Variants in TMC1 observed in about 807,000 individuals in gnomAD.
TMC1 encodes the protein transmembrane channel like 1, also known as transmembrane channel-like protein 1.
Under a neutral mutation model 105.8 loss-of-function variants are expected in TMC1, and 84 were observed. The ratio of observed to expected loss-of-function variants is 0.79; its 90% confidence interval spans 0.67 to 0.95. The LOEUF (loss-of-function observed/expected upper bound fraction) is 0.95. Ranked by LOEUF, TMC1 falls within the 40% of genes least tolerant of loss-of-function variation. The probability of loss-of-function intolerance (pLI) is 0.00; values close to 1 mark genes in which losing one functional copy is unlikely to be tolerated. For missense variants in TMC1, 817 were observed against 914.1 expected (o/e 0.89, Z 1.37); for synonymous variants, 315 against 311.5 (o/e 1.01, Z -0.12).
intron 4 of TMC1, among the ~76,000 whole-genome samples, chr9:72,637,345 C>A (rs1012487865): frequency 6.6e-6 from 1 of 151,862 alleles, no homozygotes. Flanking sequence ...CTACTCTATA[C>A]GTTCTTCACC....
intron 4 of TMC1, among the ~76,000 whole-genome samples, chr9:72,630,728 A>T (rs920034304): frequency 3.9e-5 from 6 of 152,234 alleles, no homozygotes; most frequent in Non-Finnish European, 7.3e-5. Flanking sequence ...AAAACTATAC[A>T]TTAAAAACTG....
At chr9:72,653,277 A>T (rs1190014396) in intron 5 of TMC1, among the ~76,000 whole-genome samples, 4 of 152,188 alleles carry the variant, frequency 2.6e-5, no homozygotes, top group African/African-American at 7.2e-5. Flanking sequence ...AGTCAGGCAC[A>T]TTGCTATGCC....
At chr9:72,656,154 C>G (rs1195790913) in intron 5 of TMC1, 2 of 611,850 alleles carry the variant, frequency 3.3e-6, no homozygotes, top group Non-Finnish European at 6.2e-6. Context: ...TTGCCATCTT[C>G]GGCTCCGTGG....
At chr9:72,667,647 G>T (rs1826064770) in intron 5 of TMC1, among the ~76,000 whole-genome samples, 1 of 152,150 alleles carries the variant, frequency 6.6e-6, no homozygotes, top group South Asian at 2.1e-4. Flanking sequence ...CACCAGTTGG[G>T]TTTCTCTGAG....
chr9:72,661,121 C>T (rs974149568), intron 5 of TMC1, among the ~76,000 whole-genome samples: 2 of 152,192 alleles, frequency 1.3e-5, no homozygotes, highest in South Asian at 2.1e-4. Flanking sequence ...CACCGCACTC[C>T]AGCCTGGGTG....
rs117648038 is a variant in TMC1, at chr9:72,708,509, T to C, written c.362+7866T>C. ...TTGGTTAGGTATAATCCCAAGTACT[T>C]TTTTTTTTTTCCTGTGGCTATTGTA... On this transcript the variant is annotated intron_variant, in intron 8 of 23. Coordinates refer to ENST00000297784, the MANE Select transcript of TMC1 (RefSeq NM_138691.3). Among the ~76,000 whole-genome samples the C allele has an allele frequency of 4.2e-3, 616 of 147,812 alleles. 22 individuals are homozygous for C. The East Asian group carries it at 0.064, about 15-fold the overall frequency.
At chr9:72,621,037 G>A (rs115727995) in intron 3 of TMC1, among the ~76,000 whole-genome samples, 228 of 152,180 alleles carry the variant, frequency 1.5e-3, no homozygotes, top group African/African-American at 5.2e-3. Context: ...TTAGAAGAAG[G>A]CTCCCCTTAT....
intron 4 of TMC1, among the ~76,000 whole-genome samples, chr9:72,635,277 A>G (rs1825515069): frequency 6.6e-6 from 1 of 151,814 alleles, no homozygotes. Flanking sequence ...GAAAGAAAAG[A>G]AAAAGAAAAA....
chr9:72,835,998 G>A lies in TMC1; in HGVS notation c.*25G>A. ...ATAAGTATCCTGAGAGCCCAGAAAA[G>A]GTACACTTTGCCTTGCTGTTTAAAA... On this transcript the variant is annotated 3_prime_UTR_variant, in exon 24 of 24. Coordinates refer to ENST00000297784, the MANE Select transcript of TMC1 (RefSeq NM_138691.3). 1 of 1,514,586 alleles carries A rather than the reference G, an allele frequency of 6.6e-7. No individual in the cohort carries two copies. The highest frequency in any genetic ancestry group is 1.1e-5 in the South Asian group (1 of 89,736). The allele number at this position is 1,514,586 out of a possible 1,614,324, so 93.8% of individuals were successfully genotyped here. A position where few individuals can be genotyped will look rare whatever the true frequency, so the allele number is the denominator to read the frequency against.
chr9:72,646,476 C>A (rs1409837676), intron 4 of TMC1, among the ~76,000 whole-genome samples: 1 of 152,050 alleles, frequency 6.6e-6, no homozygotes, highest in African/African-American at 2.4e-5. Context: ...CAATTCATAC[C>A]CGTACCTGTA....
At chr9:72,522,936 C>G (rs1823340784) in intron 1 of TMC1, among the ~76,000 whole-genome samples, 1 of 152,162 alleles carries the variant, frequency 6.6e-6, no homozygotes, top group African/African-American at 2.4e-5. Flanking sequence ...TAGCAGCATC[C>G]TTGGCTTCTA....
chr9:72,818,412 G>A (rs902348456), intron 19 of TMC1, among the ~76,000 whole-genome samples: 1 of 152,126 alleles, frequency 6.6e-6, no homozygotes, highest in Admixed American at 6.6e-5. Context: ...TAGTTTCTGT[G>A]CTAATATTTT....
intron 13 of TMC1, among the ~76,000 whole-genome samples, chr9:72,777,406 G>A (rs1286164024): frequency 3.9e-5 from 6 of 152,122 alleles, no homozygotes; most frequent in Admixed American, 2.0e-4. Context: ...ACTTCTCAGA[G>A]ATATTTTCAT....
intron 8 of TMC1, among the ~76,000 whole-genome samples, chr9:72,715,568 G>A (rs911842068): frequency 1.3e-5 from 2 of 151,782 alleles, no homozygotes; most frequent in Non-Finnish European, 2.9e-5. Context: ...ATTCATACTC[G>A]TGTATGTTTC....
chr9:72,645,458 A>G (rs1825694780), intron 4 of TMC1, among the ~76,000 whole-genome samples: 1 of 152,200 alleles, frequency 6.6e-6, no homozygotes, highest in African/African-American at 2.4e-5. Flanking sequence ...AAGAGGTGGA[A>G]GTGGCCCAGT....
At chr9:72,806,836 G>A (rs1241896229) in intron 18 of TMC1, among the ~76,000 whole-genome samples, 1 of 152,164 alleles carries the variant, frequency 6.6e-6, no homozygotes, top group Non-Finnish European at 1.5e-5. Flanking sequence ...GCCAGGCAGA[G>A]ACGCTCCTCA....
intron 5 of TMC1, among the ~76,000 whole-genome samples, chr9:72,676,473 TTTA>T (rs747608056): frequency 9.9e-5 from 15 of 152,150 alleles, no homozygotes; most frequent in Non-Finnish European, 2.1e-4. Context: ...ATTGCATGTA[TTTA>T]TTATTATATT....
chr9:72,678,092 T>C (rs977869219), intron 5 of TMC1, among the ~76,000 whole-genome samples: 1 of 152,126 alleles, frequency 6.6e-6, no homozygotes, highest in African/African-American at 2.4e-5. Context: ...ACCTTTTGGG[T>C]AAAATTTTGC....
Position 72,821,024 on chromosome 9 carries a change from T to C in TMC1, c.1946T>C (p.Met649Thr), listed in dbSNP as rs1828862280. The change falls in exon 20 of 24, where the codon ATG becomes ACG. Residue 649 changes from methionine (M) to threonine (T), a missense_variant. By Grantham distance (81) the Met-to-Thr change is moderately conservative. Coordinates refer to ENST00000297784, the MANE Select transcript of TMC1 (RefSeq NM_138691.3). Reference sequence around the variant, plus strand: ...CTGCTCATCCTCTTCCTGTCCACAATGCCTGTCTTGTACATGATCGTGTCC... The same window carrying C: ...CTGCTCATCCTCTTCCTGTCCACAACGCCTGTCTTGTACATGATCGTGTCC... ...MLLLILFLST[M>T]PVLYMIVSLP... The C allele has an allele frequency of 6.2e-7, 1 of 1,614,068 alleles. No homozygotes were observed. The highest frequency in any genetic ancestry group is 8.5e-7 in the Non-Finnish European group (1 of 1,180,022).
Sources: gnomAD v4.1 joint callset for allele counts (sites outside exome capture counted in the v4.1 genomes callset) on GRCh38, gnomAD v4.1.1 for gene constraint, MANE v1.5 for transcripts, NCBI Gene and HGNC (gene_info 2026-07-23, HGNC 2026-07-21) for gene names.